Variants in VPS50 observed in about 807,000 individuals in gnomAD.
VPS50 encodes the protein VPS50 subunit of EARP/GARPII complex.
Under a neutral mutation model 139.7 loss-of-function variants are expected in VPS50, and 70 were observed. That is an observed-to-expected ratio of 0.50 (90% CI 0.41 to 0.61). VPS50 has a LOEUF of 0.61. Among genes scored for constraint, VPS50 ranks in the 20% least tolerant of loss-of-function variants. VPS50 has a pLI of 0.00. For missense variants in VPS50, 921 were observed against 1,133.7 expected (o/e 0.81, Z 2.69); for synonymous variants, 365 against 376.7 (o/e 0.97, Z 0.36).
At chr7:93,313,201 A>G (rs1797322283) in intron 20 of VPS50, among the ~76,000 whole-genome samples, 1 of 152,130 alleles carries the variant, frequency 6.6e-6, no homozygotes, top group Non-Finnish European at 1.5e-5. Context: ...CTGACATGTC[A>G]TGGCCAAAGC....
chr7:93,280,086 G>A (rs1234571730), intron 12 of VPS50, among the ~76,000 whole-genome samples: 1 of 152,122 alleles, frequency 6.6e-6, no homozygotes, highest in South Asian at 2.1e-4. Flanking sequence ...AAGGCCAGCA[G>A]CATCCCTTCC....
chr7:93,357,121 T>C (rs1300480641), intron 27 of VPS50, among the ~76,000 whole-genome samples: 2 of 152,158 alleles, frequency 1.3e-5, no homozygotes, highest in Admixed American at 6.6e-5. Context: ...TAGATGCAGA[T>C]AGACTGCTTA....
intron 12 of VPS50, among the ~76,000 whole-genome samples, chr7:93,286,628 G>A (rs138750909): frequency 3.0e-4 from 45 of 152,152 alleles, no homozygotes; most frequent in East Asian, 2.1e-3. Flanking sequence ...ATTGATGCTT[G>A]GGTGGAACAC....
At chr7:93,258,115 A>C (rs1479762139) in intron 6 of VPS50, 44 bp from the exon 7 acceptor site, 4 of 785,168 alleles carry the variant, frequency 5.1e-6, no homozygotes, top group South Asian at 4.6e-5. Flanking sequence ...TAGTATTCTT[A>C]TTATAATAAA....
Position 93,307,866 on chromosome 7 carries a change from A to G in VPS50, c.1630-958A>G, listed in dbSNP as rs756029864. Among the ~76,000 whole-genome samples the G allele has an allele frequency of 5.3e-5, 8 of 151,976 alleles. No individual in the cohort carries two copies. In the East Asian group the frequency reaches 7.7e-4, roughly 15 times the overall value. ...GGTCCACATTTAAATACGACCTTTC[A>G]TAGTGCTTTTTATTAACAGACTCTC... On this transcript the variant is annotated intron_variant, in intron 18 of 27. Transcript: ENST00000305866.
intron 12 of VPS50, among the ~76,000 whole-genome samples, chr7:93,278,609 A>G (rs1796232243): frequency 6.6e-6 from 1 of 151,196 alleles, no homozygotes; most frequent in South Asian, 2.1e-4. Context: ...AAAAAAAAAA[A>G]AGCTGAGTGT....
intron 1 of VPS50, among the ~76,000 whole-genome samples, chr7:93,237,352 A>G (rs1033217530): frequency 6.6e-6 from 1 of 152,212 alleles, no homozygotes; most frequent in African/African-American, 2.4e-5. Context: ...AAGTCAGGAT[A>G]CAAACTCAAG....
chr7:93,246,084 T>G, intron 2 of VPS50: 1 of 1,299,780 alleles, frequency 7.7e-7, no homozygotes, highest in Non-Finnish European at 1.0e-6. Flanking sequence ...AAACGCTTCT[T>G]TTTTTTTTTG....
At chr7:93,284,101 G>A (rs757004427) in intron 12 of VPS50, among the ~76,000 whole-genome samples, 3 of 151,974 alleles carry the variant, frequency 2.0e-5, no homozygotes, top group Non-Finnish European at 4.4e-5. Flanking sequence ...TTTAGGGAGG[G>A]GGATTGGATT....
chr7:93,285,064 G>A (rs1796443558), intron 12 of VPS50, among the ~76,000 whole-genome samples: 1 of 152,132 alleles, frequency 6.6e-6, no homozygotes, highest in Non-Finnish European at 1.5e-5. Flanking sequence ...ATTTTCAGAA[G>A]CCACTCAGAT....
intron 14 of VPS50, among the ~76,000 whole-genome samples, chr7:93,295,234 G>A (rs1167671020): frequency 6.6e-6 from 1 of 152,088 alleles, no homozygotes; most frequent in Non-Finnish European, 1.5e-5. Context: ...AGAGATCAGG[G>A]TGCCAGCATT....
At chr7:93,339,330 TAAAAA>T (rs772980449) in intron 22 of VPS50, among the ~76,000 whole-genome samples, 1 of 136,078 alleles carries the variant, frequency 7.3e-6, no homozygotes, top group African/African-American at 2.7e-5. Flanking sequence ...AGATAGGAAA[TAAAAA>T]AAAAAAAAAC....
At chr7:93,294,317 C>T (rs1014483172) in intron 13 of VPS50, among the ~76,000 whole-genome samples, 1 of 151,984 alleles carries the variant, frequency 6.6e-6, no homozygotes, top group Non-Finnish European at 1.5e-5. Context: ...CATATGATCT[C>T]AGTGGTCTTA....
intron 12 of VPS50, among the ~76,000 whole-genome samples, chr7:93,288,228 C>A (rs1305599547): frequency 6.6e-6 from 1 of 152,054 alleles, no homozygotes; most frequent in Non-Finnish European, 1.5e-5. Context: ...GGGACAGACA[C>A]AACCAAACCA....
At chr7:93,290,537 T>C (rs549819409) in intron 12 of VPS50, among the ~76,000 whole-genome samples, 3 of 152,018 alleles carry the variant, frequency 2.0e-5, no homozygotes, top group South Asian at 2.1e-4. Context: ...TGAATTTTCT[T>C]AAAGCCCACT....
chr7:93,294,490 A>T (rs1796744552), intron 13 of VPS50, 55 bp from the exon 14 acceptor site: 1 of 1,414,428 alleles, frequency 7.1e-7, no homozygotes, highest in Non-Finnish European at 9.5e-7. Context: ...AATTATTTGG[A>T]AAACAAACAC....
At chr7:93,337,971 C>T (rs546708842) in intron 22 of VPS50, among the ~76,000 whole-genome samples, 1 of 152,190 alleles carries the variant, frequency 6.6e-6, no homozygotes, top group East Asian at 1.9e-4. Flanking sequence ...ATATTTCTAC[C>T]TCTTTTGGAC....
At chr7:93,337,001 T>C (rs900633755) in intron 22 of VPS50, among the ~76,000 whole-genome samples, 5 of 152,218 alleles carry the variant, frequency 3.3e-5, no homozygotes, top group African/African-American at 1.2e-4. Context: ...CCTTTACTTA[T>C]TGTACTCCTA....
chr7:93,327,866 AG>A (rs1383074063), intron 21 of VPS50, among the ~76,000 whole-genome samples: 1 of 152,164 alleles, frequency 6.6e-6, no homozygotes, highest in Non-Finnish European at 1.5e-5. Context: ...TGGGAAGAAC[AG>A]GTTATGTGGT....
Sources: allele counts gnomAD v4.1 joint callset (sites outside exome capture counted in the v4.1 genomes callset), GRCh38; gene constraint gnomAD v4.1.1; transcripts MANE v1.5; gene names NCBI Gene and HGNC (gene_info 2026-07-23, HGNC 2026-07-21).